The following AGPAT5 variants were observed in gnomAD, a reference collection of about 807,000 sequenced individuals.
The protein encoded by AGPAT5 is 1-acylglycerol-3-phosphate O-acyltransferase 5, also known as 1-acyl-sn-glycerol-3-phosphate acyltransferase epsilon.
AGPAT5 carries 46 observed loss-of-function variants against 45.6 expected under a neutral mutation model. That is an observed-to-expected ratio of 1.01 (90% CI 0.80 to 1.29). AGPAT5 has a LOEUF of 1.29. Ranked by LOEUF, AGPAT5 falls within the 50% of genes most tolerant of loss-of-function variation. AGPAT5 has a pLI of 0.00. For missense variants in AGPAT5, 673 were observed against 450.7 expected, an observed-to-expected ratio of 1.49 and a Z score of -4.47; for synonymous variants, 272 against 167.0, an observed-to-expected ratio of 1.63 and a Z score of -4.85.
chr8:6,757,337 C>T lies in AGPAT5; in HGVS notation c.1044C>T (p.Thr348=). The T allele has an allele frequency of 1.2e-6, 2 of 1,614,158 alleles. No individual in the cohort carries two copies. The highest frequency in any genetic ancestry group is 1.3e-5 in the African/African-American group (1 of 75,040). The change falls in exon 8 of 8, where the codon ACC becomes ACT. Residue 348 remains threonine (T), a synonymous_variant. Coordinates refer to ENST00000285518, the MANE Select transcript of AGPAT5 (RefSeq NM_018361.5). ...CTGGAAGGAAGCTGTATGTGAACAC[C>T]TGGATATATGGAACCCTACTTGGCT... is the stretch of plus-strand genomic sequence containing the variant. The part of the protein sequence containing the change: ...TDAGRKLYVN[T]WIYGTLLGCL...
rs535649221 is a variant in AGPAT5, at chr8:6,742,880, C to T, written c.586+1129C>T. Among the ~76,000 whole-genome samples the T allele has an allele frequency of 3.3e-5, 5 of 152,304 alleles. No individual in the cohort carries two copies. The South Asian group carries it at 1.0e-3, about 32-fold the overall frequency. Reference sequence around the variant, plus strand: ...TCCCCATCTGCCAGCTCTCTTTTGACTTTCATTGCTTCCTCTGTCTAATAG... The same window carrying T: ...TCCCCATCTGCCAGCTCTCTTTTGATTTTCATTGCTTCCTCTGTCTAATAG... On this transcript the variant is annotated intron_variant, in intron 5 of 7. Coordinates refer to ENST00000285518, the MANE Select transcript of AGPAT5 (RefSeq NM_018361.5).
rs1246184530 is a variant in AGPAT5 at position 6,761,419 on chromosome 8, T to C, written c.*4031T>C. On this transcript the variant is annotated 3_prime_UTR_variant, in exon 8 of 8. Coordinates refer to ENST00000285518, the MANE Select transcript of AGPAT5 (RefSeq NM_018361.5). The stretch of plus-strand genomic sequence containing the variant: ...TAACTCTTTTTGTCTCTTTATGGTA[T>C]TTTCAGAATAAAGTCTGACTTGTGT... 6.6e-6 allele frequency among the ~76,000 whole-genome samples: 1 copy of C among 152,220 alleles called. No individual in the cohort carries two copies. The highest frequency in any genetic ancestry group is 2.4e-5 in the African/African-American group (1 of 41,468).
chr8:6,732,736 C>A lies in AGPAT5; in HGVS notation c.495+86C>A, dbSNP rs950059659. ...AATTAAAATCTAAGAATTGTTTTGA[C>A]AATGTATTTTCCCATGTGTAATTAC... is the stretch of plus-strand genomic sequence containing the variant. On this transcript the variant is annotated intron_variant, in intron 4 of 7. Coordinates refer to ENST00000285518, the MANE Select transcript of AGPAT5 (RefSeq NM_018361.5). 4.2e-6 allele frequency: 5 copies of A among 1,199,922 alleles called. No individual in the cohort carries two copies. The East Asian group carries it at 1.3e-4, about 32-fold the overall frequency. The allele number at this position is 1,199,922 out of a possible 1,614,324, so 74.3% of individuals were successfully genotyped here. A position where few individuals can be genotyped will look rare whatever the true frequency, so the allele number is the denominator to read the frequency against.
intron 7 of AGPAT5, among the ~76,000 whole-genome samples, chr8:6,756,539 G>C (rs1287919445): frequency 6.6e-6 from 1 of 150,422 alleles, no homozygotes; most frequent in East Asian, 1.9e-4. Flanking sequence ...GATCACCTGA[G>C]CCTGGAAGGT....
chr8:6,728,656 T>G (rs1800768775), intron 2 of AGPAT5, among the ~76,000 whole-genome samples: 1 of 151,972 alleles, frequency 6.6e-6, no homozygotes, highest in Admixed American at 6.5e-5. Flanking sequence ...CAGGAAAAAA[T>G]GCTAAACCTG....
At chr8:6,756,123 A>T (rs944189797) in intron 7 of AGPAT5, among the ~76,000 whole-genome samples, 5 of 152,128 alleles carry the variant, frequency 3.3e-5, no homozygotes, top group Non-Finnish European at 7.4e-5. Context: ...TGTGTTTTAG[A>T]TTATTATATC....
chr8:6,729,276 GAA>G (rs1800786014), intron 2 of AGPAT5, among the ~76,000 whole-genome samples: 1 of 151,704 alleles, frequency 6.6e-6, no homozygotes. Context: ...GTAATCTGTG[GAA>G]AACTGTCCTC....
At position 6,732,589 on chromosome 8, in the gene AGPAT5, C is replaced by G. The variant is rs1305512443; in HGVS notation, c.434C>G (p.Ala145Gly). Residue 145 changes from alanine (A) to glycine (G), a missense_variant, in exon 4 of 8, where the codon GCC becomes GGC. Ala to Gly is a moderately conservative substitution (Grantham distance 60). Coordinates refer to ENST00000285518, the MANE Select transcript of AGPAT5 (RefSeq NM_018361.5). ...QHGGIYVKRS[A>G]KFNEKEMRNK... ...GGAGGAATCTATGTAAAGCGCAGTGCCAAATTTAACGAGAAAGAGATGCGA... is the reference window on the plus strand; with the variant it reads ...GGAGGAATCTATGTAAAGCGCAGTGGCAAATTTAACGAGAAAGAGATGCGA... 9.3e-6 allele frequency: 15 copies of G among 1,610,660 alleles called. No individual in the cohort carries two copies. The highest frequency in any genetic ancestry group is 1.2e-5 in the Non-Finnish European group (14 of 1,179,082).
At chr8:6,728,711 G>C (rs1307099127) in intron 2 of AGPAT5, among the ~76,000 whole-genome samples, 1 of 152,168 alleles carries the variant, frequency 6.6e-6, no homozygotes, top group Non-Finnish European at 1.5e-5. Context: ...ATGTGCTGTA[G>C]CCTGGTAACC....
At position 6,757,336 on chromosome 8, in the gene AGPAT5, C is replaced by G. The variant is rs755442088; in HGVS notation, c.1043C>G (p.Thr348Ser). 1 of 1,614,186 alleles carries G rather than the reference C, an allele frequency of 6.2e-7. No individual in the cohort carries two copies. The highest frequency in any genetic ancestry group is 1.1e-5 in the South Asian group (1 of 91,078). ...GCTGGAAGGAAGCTGTATGTGAACACCTGGATATATGGAACCCTACTTGGC... is the reference window on the plus strand; with the variant it reads ...GCTGGAAGGAAGCTGTATGTGAACAGCTGGATATATGGAACCCTACTTGGC... ...TDAGRKLYVNTWIYGTLLGCL... is the reference protein window; with the variant it reads ...TDAGRKLYVNSWIYGTLLGCL... Residue 348 changes from threonine (T) to serine (S), a missense_variant, in exon 8 of 8, where the codon ACC becomes AGC. Physicochemically the swap from Thr to Ser is moderately conservative, Grantham distance 58 (BLOSUM62 1). Coordinates refer to ENST00000285518, the MANE Select transcript of AGPAT5 (RefSeq NM_018361.5).
rs1004849989 is a variant in AGPAT5, at chr8:6,760,569, T to G, written c.*3181T>G. The stretch of plus-strand genomic sequence containing the variant: ...TAAAATAATTTTAACCTTAATTTGT[T>G]TTTAGTAGTGTTTAGATTGAAGATT... On this transcript the variant is annotated 3_prime_UTR_variant, in exon 8 of 8. Coordinates refer to ENST00000285518, the MANE Select transcript of AGPAT5 (RefSeq NM_018361.5). 1.3e-5 allele frequency among the ~76,000 whole-genome samples: 2 copies of G among 152,324 alleles called. No individual in the cohort carries two copies. Among genetic ancestry groups the G allele is most frequent in the Admixed American group, 1.3e-4 (2 of 15,292 alleles).
At chr8:6,720,280 A>G (rs1330492120) in intron 1 of AGPAT5, among the ~76,000 whole-genome samples, 1 of 152,116 alleles carries the variant, frequency 6.6e-6, no homozygotes, top group African/African-American at 2.4e-5. Context: ...TGGAATGACA[A>G]TTTCTGGTGC....
intron 2 of AGPAT5, among the ~76,000 whole-genome samples, chr8:6,727,766 T>C (rs1277634805): frequency 6.6e-6 from 1 of 152,064 alleles, no homozygotes; most frequent in East Asian, 1.9e-4. Context: ...GCGTGGTGAG[T>C]AGAATGTTAT....
intron 6 of AGPAT5, among the ~76,000 whole-genome samples, chr8:6,748,369 A>G (rs575909613): frequency 3.9e-5 from 6 of 152,346 alleles, no homozygotes; most frequent in African/African-American, 1.2e-4. Context: ...CTAACCAAAC[A>G]TAGTGTTAGC....
At chr8:6,709,118 G>A in intron 1 of AGPAT5, 1 of 590,016 alleles carries the variant, frequency 1.7e-6, no homozygotes, top group Non-Finnish European at 3.0e-6. Flanking sequence ...GGGACCCGCC[G>A]CCCCTTTCCC....
intron 6 of AGPAT5, among the ~76,000 whole-genome samples, chr8:6,749,515 C>G (rs1030906432): frequency 2.6e-5 from 4 of 152,132 alleles, no homozygotes; most frequent in African/African-American, 9.7e-5. Flanking sequence ...TGCTTTCCAC[C>G]CTGCTACCTG....
intron 5 of AGPAT5, among the ~76,000 whole-genome samples, chr8:6,742,156 G>T (rs781758915): frequency 2.0e-5 from 3 of 152,180 alleles, no homozygotes; most frequent in Non-Finnish European, 2.9e-5. Flanking sequence ...CAACTTGGAA[G>T]TTGTGTAATG....
At chr8:6,722,043 A>G (rs1800520489) in intron 1 of AGPAT5, among the ~76,000 whole-genome samples, 1 of 152,052 alleles carries the variant, frequency 6.6e-6, no homozygotes, top group Non-Finnish European at 1.5e-5. Flanking sequence ...AATTGTGAAA[A>G]AGTGACTAGT....
chr8:6,729,906 C>T lies in AGPAT5; in HGVS notation c.290-805C>T, dbSNP rs539482747. On this transcript the variant is annotated intron_variant, in intron 2 of 7. Coordinates refer to ENST00000285518, the MANE Select transcript of AGPAT5 (RefSeq NM_018361.5). ...TACATAAGGAGCACATATATCTACCCAGCATCATTGTAAGGCATGTGAGAC... is the reference window on the plus strand; with the variant it reads ...TACATAAGGAGCACATATATCTACCTAGCATCATTGTAAGGCATGTGAGAC... 7.2e-5 allele frequency among the ~76,000 whole-genome samples: 11 copies of T among 152,242 alleles called. No homozygotes were observed. In the South Asian group the frequency reaches 1.5e-3, roughly 20 times the overall value.
Sources: gnomAD v4.1 joint callset for allele counts (sites outside exome capture counted in the v4.1 genomes callset) on GRCh38, gnomAD v4.1.1 for gene constraint, MANE v1.5 for transcripts, NCBI Gene and HGNC (gene_info 2026-07-23, HGNC 2026-07-21) for gene names.